The following RHOU variants were observed in gnomAD, a reference collection of about 807,000 sequenced individuals.
RHOU encodes rho-related GTP-binding protein RhoU.
RHOU carries 8 observed loss-of-function variants against 12.6 expected under a neutral mutation model. The observed-to-expected ratio is 0.64, with a 90% confidence interval of 0.37 to 1.15. RHOU has a LOEUF of 1.15. Among genes scored for constraint, RHOU ranks in the 50% most tolerant of loss-of-function variants. The pLI is 0.01. For synonymous variants in RHOU, 161 were observed against 147.4 expected (o/e 1.09, Z -0.67); for missense variants, 258 against 347.0 (o/e 0.74, Z 2.04).
chr1:228,655,455 AT>A, the RHOU span, among the ~76,000 whole-genome samples: 1 of 152,134 alleles, frequency 6.6e-6, no homozygotes, highest in Non-Finnish European at 1.5e-5. Flanking sequence ...GGCTTAACAA[AT>A]TTATGCAAAA....
At chr1:228,725,716 T>G in the RHOU span, among the ~76,000 whole-genome samples, 1 of 152,338 alleles carries the variant, frequency 6.6e-6, no homozygotes, top group East Asian at 1.9e-4. Flanking sequence ...TTAATGCAAT[T>G]TAAGACTTTC....
chr1:228,689,148 C>T, the RHOU span, among the ~76,000 whole-genome samples: 5 of 152,202 alleles, frequency 3.3e-5, no homozygotes, highest in African/African-American at 1.2e-4. Context: ...CTTCTCTTCC[C>T]ACTATCTTCT....
chr1:228,659,955 C>CAAAAAAAAAAAAAAAAAAAAAAAA, the RHOU span, among the ~76,000 whole-genome samples: 2 of 34,636 alleles, frequency 5.8e-5, no homozygotes, highest in Middle Eastern at 0.013. Flanking sequence ...CTGGTCTCTA[C>CAAAAAAAAAAAAAAAAAAAAAAAA]AAAAAAAAAA....
At chr1:228,687,802 TG>T in the RHOU span, 2 of 1,316,552 alleles carry the variant, frequency 1.5e-6, no homozygotes, top group Non-Finnish European at 2.2e-6. Context: ...AAGCACACCC[TG>T]GGGGACAGTG....
the RHOU span, among the ~76,000 whole-genome samples, chr1:228,685,299 A>G: frequency 6.6e-6 from 1 of 152,228 alleles, no homozygotes; most frequent in Non-Finnish European, 1.5e-5. Context: ...GTGTCTGGGA[A>G]TGCAGCCCAG....
chr1:228,674,309 A>T, the RHOU span, among the ~76,000 whole-genome samples: 1 of 148,562 alleles, frequency 6.7e-6, no homozygotes, highest in Non-Finnish European at 1.5e-5. Flanking sequence ...ATTTTAATTT[A>T]GTCTAATATA....
At chr1:228,707,131 T>TAC in the RHOU span, among the ~76,000 whole-genome samples, 8 of 118,058 alleles carry the variant, frequency 6.8e-5, no homozygotes, top group African/African-American at 2.9e-4. Context: ...TATATACATA[T>TAC]ATATATATAT....
the RHOU span, among the ~76,000 whole-genome samples, chr1:228,659,970 A>AAC: frequency 3.7e-4 from 49 of 131,402 alleles, no homozygotes; most frequent in Middle Eastern, 3.6e-3. Context: ...AAAAAACAAA[A>AAC]AAAAAAAAAA....
At chr1:228,717,771 C>G in the RHOU span, among the ~76,000 whole-genome samples, 1 of 152,218 alleles carries the variant, frequency 6.6e-6, no homozygotes, top group Non-Finnish European at 1.5e-5. Context: ...CTACTTCCTT[C>G]TCAACCTAAT....
intron 2 of RHOU, among the ~76,000 whole-genome samples, chr1:228,741,683 T>A (rs1370624667): frequency 6.6e-6 from 1 of 152,186 alleles, no homozygotes; most frequent in Non-Finnish European, 1.5e-5. Flanking sequence ...TTTTAAAAAT[T>A]TTTTTTAGAG....
In RHOU at chr1:228,735,583, T is replaced by G; in HGVS notation, c.-160T>G. 1.6e-5 allele frequency: 7 copies of G among 445,076 alleles called. No homozygotes were observed. Among genetic ancestry groups the G allele is most frequent in the Admixed American group, 5.0e-5 (1 of 19,874 alleles). The allele number at this position is 445,076 out of a possible 1,614,324, so 27.6% of individuals were successfully genotyped here. On this transcript the variant is annotated 5_prime_UTR_variant, in exon 1 of 3. Transcript: ENST00000366691. The surrounding 1 kb of genome is among the most constrained non-coding windows in gnomAD (Gnocchi z 8.1). ...GAGCCACGACCCTCCCTGGCCGCCT[T>G]TGTCTACTGGCCGTGCGGCCCGGAA...
chr1:228,649,919 G>A, the RHOU span, among the ~76,000 whole-genome samples: 1 of 152,162 alleles, frequency 6.6e-6, no homozygotes, highest in Non-Finnish European at 1.5e-5. Flanking sequence ...GTCATCAGTT[G>A]TAATTCTGCT....
rs373501685 is a variant in RHOU, at chr1:228,741,345, T to C, written c.322-1940T>C. On this transcript the variant is annotated intron_variant, in intron 2 of 2. Transcript: ENST00000366691. ...GCAGGAGGGTCTAATTTCTGTTTTA[T>C]TTCTCAAGCCCCTTAGCCAGAATCT... is the stretch of plus-strand genomic sequence containing the variant. 5.3e-5 allele frequency among the ~76,000 whole-genome samples: 8 copies of C among 152,308 alleles called. No homozygotes were observed. In the South Asian group the frequency reaches 1.0e-3, roughly 20 times the overall value.
At chr1:228,683,435 T>G in the RHOU span, among the ~76,000 whole-genome samples, 1 of 152,216 alleles carries the variant, frequency 6.6e-6, no homozygotes, top group African/African-American at 2.4e-5. Context: ...ATCAGGTAGA[T>G]ATTGAGATTT....
At chr1:228,678,384 A>G in the RHOU span, among the ~76,000 whole-genome samples, 1 of 152,260 alleles carries the variant, frequency 6.6e-6, no homozygotes, top group Non-Finnish European at 1.5e-5. Context: ...GGAGTGACCA[A>G]TGAGAAGGAG....
the RHOU span, among the ~76,000 whole-genome samples, chr1:228,668,452 A>T: frequency 2.0e-5 from 3 of 152,178 alleles, no homozygotes; most frequent in African/African-American, 4.8e-5. Context: ...CCAAGCCTTT[A>T]ACCTGTGAGT....
chr1:228,720,635 C>A, the RHOU span, among the ~76,000 whole-genome samples: 29 of 152,178 alleles, frequency 1.9e-4, no homozygotes, highest in Admixed American at 2.0e-4. Context: ...GAAACCAGCC[C>A]TGCCGAAATA....
At chr1:228,735,415 C>T (rs1662575431), upstream of RHOU, 1 of 176,110 alleles carries the variant, frequency 5.7e-6, no homozygotes, top group Non-Finnish European at 1.2e-5. The surrounding 1 kb of genome is among the most constrained non-coding windows in gnomAD (Gnocchi z 8.1). Flanking sequence ...TCTTTTCCCT[C>T]CCCGCCAGCC....
At chr1:228,669,021 G>A in the RHOU span, among the ~76,000 whole-genome samples, 6 of 152,228 alleles carry the variant, frequency 3.9e-5, no homozygotes, top group African/African-American at 1.4e-4. Flanking sequence ...AGATTCCCCC[G>A]ATGTAGGAAG....
Sources: gnomAD v4.1 joint callset for allele counts (sites outside exome capture counted in the v4.1 genomes callset) on GRCh38, gnomAD v4.1.1 for gene constraint, Gnocchi (gnomAD v3.1) non-coding constraint, MANE v1.5 for transcripts, NCBI Gene and HGNC (gene_info 2026-07-23, HGNC 2026-07-21) for gene names.